Variants in PXDNL observed in about 807,000 individuals in gnomAD.
The protein encoded by PXDNL is peroxidasin like.
A neutral mutation model predicts 150.8 loss-of-function variants in PXDNL; 145 were observed. The ratio of observed to expected loss-of-function variants is 0.96; its 90% CI spans 0.84 to 1.10. The LOEUF (loss-of-function observed/expected upper bound fraction) is 1.10, where lower values mean the gene tolerates loss of function less well. PXDNL is among the 50% of genes least tolerant of loss of function. The pLI, the probability that PXDNL is intolerant of heterozygous loss-of-function variation, is 0.00. For synonymous variants in PXDNL, 757 were observed against 725.7 expected (o/e 1.04, Z -0.69); for missense variants, 2,087 against 1,873.9 (o/e 1.11, Z -2.10).
chr8:51,642,711 G>T (rs940514307), intron 2 of PXDNL, among the ~76,000 whole-genome samples: 1 of 152,160 alleles, frequency 6.6e-6, no homozygotes, highest in African/African-American at 2.4e-5. Context: ...GCAGGAGAAG[G>T]AAATAAAGGG....
chr8:51,351,355 G>A (rs1473799603), intron 19 of PXDNL, among the ~76,000 whole-genome samples: 1 of 152,158 alleles, frequency 6.6e-6, no homozygotes, highest in African/African-American at 2.4e-5. Flanking sequence ...ATAAATAGAA[G>A]AAATTTGGAC....
intron 3 of PXDNL, among the ~76,000 whole-genome samples, chr8:51,565,184 G>T (rs368394939): frequency 6.6e-6 from 1 of 151,652 alleles, no homozygotes; most frequent in Non-Finnish European, 1.5e-5. Flanking sequence ...TCCTGTGGGA[G>T]GTCGTAGCTA....
chr8:51,618,251 GAA>G (rs1350178262), intron 2 of PXDNL, among the ~76,000 whole-genome samples: 1 of 152,246 alleles, frequency 6.6e-6, no homozygotes, highest in Non-Finnish European at 1.5e-5. Flanking sequence ...AGCAAAGTCT[GAA>G]AGGCGAGGGC....
intron 1 of PXDNL, among the ~76,000 whole-genome samples, chr8:51,657,058 A>G (rs370846652): frequency 2.0e-5 from 3 of 152,204 alleles, no homozygotes; most frequent in Non-Finnish European, 4.4e-5. Context: ...ATTTAATACA[A>G]CTGAACTACC....
intron 4 of PXDNL, among the ~76,000 whole-genome samples, chr8:51,556,266 AAAT>A (rs1436808713): frequency 7.1e-6 from 1 of 140,562 alleles, no homozygotes; most frequent in East Asian, 2.0e-4. Context: ...TCTGCCTCAA[AAAT>A]AATAATAATG....
chr8:51,536,315 G>A (rs1215732089), intron 4 of PXDNL, among the ~76,000 whole-genome samples: 1 of 152,206 alleles, frequency 6.6e-6, no homozygotes, highest in Non-Finnish European at 1.5e-5. Context: ...AGACTATGAG[G>A]CCTTGTTTTT....
chr8:51,362,702 T>C (rs1054905708), intron 19 of PXDNL, among the ~76,000 whole-genome samples: 1 of 152,154 alleles, frequency 6.6e-6, no homozygotes, highest in African/African-American at 2.4e-5. Context: ...AGATTTGGAA[T>C]TGCCTGGCTG....
chr8:51,765,653 A>G (rs1333354671), intron 1 of PXDNL, among the ~76,000 whole-genome samples: 2 of 152,104 alleles, frequency 1.3e-5, no homozygotes, highest in Non-Finnish European at 2.9e-5. Context: ...CACAACTATT[A>G]ATAAGGTGGA....
intron 2 of PXDNL, among the ~76,000 whole-genome samples, chr8:51,628,613 C>G (rs2130750037): frequency 6.6e-6 from 1 of 151,778 alleles, no homozygotes; most frequent in African/African-American, 2.4e-5. Flanking sequence ...ACCATGTAGG[C>G]AGGAGGATCT....
chr8:51,552,593 A>G lies in PXDNL; in HGVS notation c.380+4247T>C, dbSNP rs182109978. Among the ~76,000 whole-genome samples the G allele has an allele frequency of 4.0e-4, 61 of 152,342 alleles. 1 individual carries two copies. In the East Asian group the frequency reaches 9.6e-3, roughly 24 times the overall value. On this transcript the variant is annotated intron_variant, in intron 4 of 22. Coordinates refer to ENST00000356297, the MANE Select transcript of PXDNL (RefSeq NM_144651.5). ...CAGTAACTCAGAAATGGAAAGCCAA[A>G]TATCGTAGGTTCTCATAAGTGCGAA...
Position 51,800,073 on chromosome 8 carries a change from GA to G in PXDNL, c.164+9107del, listed in dbSNP as rs373244840. Among the ~76,000 whole-genome samples the G allele has an allele frequency of 2.0e-4, 30 of 152,218 alleles. 1 individual carries two copies. Among genetic ancestry groups the G allele is most frequent in the African/African-American group, 6.7e-4 (28 of 41,540 alleles). On this transcript the variant is annotated intron_variant, in intron 1 of 22. Transcript: ENST00000356297. Reference sequence around the variant, plus strand: ...CATCAACACAGGTGAGGTAGTAAGTGAGGCTTACAACTAAAATCGTTTCAGT... The same window carrying G: ...CATCAACACAGGTGAGGTAGTAAGTGGGCTTACAACTAAAATCGTTTCAGT...
intron 1 of PXDNL, among the ~76,000 whole-genome samples, chr8:51,663,427 C>T (rs1815315993): frequency 1.3e-5 from 2 of 152,204 alleles, no homozygotes; most frequent in South Asian, 4.1e-4. Context: ...CGTTAAATCC[C>T]TTCTTTTTCA....
At chr8:51,331,939 G>A (rs1805702453) in intron 21 of PXDNL, among the ~76,000 whole-genome samples, 1 of 149,130 alleles carries the variant, frequency 6.7e-6, no homozygotes, top group South Asian at 2.2e-4. Flanking sequence ...ATATAATCTT[G>A]GTAGTTCTAG....
intron 19 of PXDNL, among the ~76,000 whole-genome samples, chr8:51,363,256 T>C (rs569547611): frequency 7.2e-5 from 11 of 152,058 alleles, no homozygotes; most frequent in African/African-American, 2.7e-4. Context: ...CTAAATGGCA[T>C]ATAGGGGAAG....
chr8:51,495,427 G>A (rs1467817291), intron 5 of PXDNL, among the ~76,000 whole-genome samples: 2 of 152,132 alleles, frequency 1.3e-5, no homozygotes, highest in Admixed American at 1.3e-4. Context: ...AAATAACTAA[G>A]ATCAGAGCAG....
At chr8:51,320,069 A>G in intron 22 of PXDNL, 47 bp from the exon 23 acceptor site, 2 of 1,308,536 alleles carry the variant, frequency 1.5e-6, no homozygotes, top group Non-Finnish European at 2.0e-6. Context: ...TTATAATCAA[A>G]GTACTTAAAA....
In PXDNL at chr8:51,556,844, G is replaced by A. The variant is rs746814119; in HGVS notation, c.376C>T (p.His126Tyr). 2 of 1,555,710 alleles carry A rather than the reference G, an allele frequency of 1.3e-6. No homozygotes were observed. Among genetic ancestry groups the A allele is most frequent in the Middle Eastern group, 1.8e-4 (1 of 5,564 alleles). The change falls in exon 4 of 23, where the codon CAT becomes TAT. Residue 126 changes from histidine (H) to tyrosine (Y), a missense_variant. Physicochemically the swap from His to Tyr is moderately conservative, Grantham distance 83. Coordinates refer to ENST00000356297, the MANE Select transcript of PXDNL (RefSeq NM_144651.5). ...AAAAAAGTTTCTATTACTTACAGAT[G>A]TTCCAAAGATATGAGTCCTTTAAAT... ...QTFKGLISLE[H>Y]LYIHFNQLEM...
chr8:51,549,953 G>T (rs990882538), intron 4 of PXDNL, among the ~76,000 whole-genome samples: 1 of 152,082 alleles, frequency 6.6e-6, no homozygotes, highest in African/African-American at 2.4e-5. Flanking sequence ...ACCAAGAAAA[G>T]AAGGGAGAAG....
At chr8:51,366,263 C>T (rs1806916367) in intron 19 of PXDNL, among the ~76,000 whole-genome samples, 1 of 152,224 alleles carries the variant, frequency 6.6e-6, no homozygotes, top group South Asian at 2.1e-4. Context: ...AGCTGAGCCT[C>T]ATAATCAGTT....
Sources: allele counts gnomAD v4.1 joint callset (sites outside exome capture counted in the v4.1 genomes callset), GRCh38; gene constraint gnomAD v4.1.1; transcripts MANE v1.5; gene names NCBI Gene and HGNC (gene_info 2026-07-23, HGNC 2026-07-21).